The following RPS6KA1 variants were observed in gnomAD, a reference collection of about 807,000 sequenced individuals.
RPS6KA1 encodes the protein ribosomal protein S6 kinase A1.
RPS6KA1 carries 48 observed loss-of-function variants against 91.3 expected under a neutral mutation model. That is an observed-to-expected ratio of 0.53 (90% CI 0.42 to 0.67). The LOEUF (loss-of-function observed/expected upper bound fraction) is 0.67. Ranked by LOEUF, RPS6KA1 falls within the 30% of genes least tolerant of loss-of-function variation. The pLI is 0.00. For missense variants in RPS6KA1, 719 were observed against 960.5 expected (o/e 0.75, Z 3.32); for synonymous variants, 359 against 384.7 (o/e 0.93, Z 0.78).
chr1:26,541,928 G>A (rs1253473558), intron 2 of RPS6KA1, among the ~76,000 whole-genome samples: 2 of 152,206 alleles, frequency 1.3e-5, no homozygotes, highest in Admixed American at 1.3e-4. Flanking sequence ...CCTGTAGGAG[G>A]AAGTAAATAA....
intron 2 of RPS6KA1, among the ~76,000 whole-genome samples, chr1:26,542,936 C>T (rs1040088591): frequency 6.6e-6 from 1 of 152,132 alleles, no homozygotes; most frequent in Non-Finnish European, 1.5e-5. Flanking sequence ...AGTCAGAGGA[C>T]ATAGGGAGAG....
chr1:26,566,896 G>C (rs1444121729), intron 17 of RPS6KA1, among the ~76,000 whole-genome samples: 1 of 152,216 alleles, frequency 6.6e-6, no homozygotes, highest in Non-Finnish European at 1.5e-5. Flanking sequence ...GCTGGTCACA[G>C]GTGCCTAAAT....
chr1:26,573,509 G>A, intron 21 of RPS6KA1, 148 bp downstream of exon 21: 4 of 935,176 alleles, frequency 4.3e-6, no homozygotes, highest in Non-Finnish European at 6.5e-6. Flanking sequence ...CTGCCGTCAG[G>A]GAGCCTAACA....
intron 1 of RPS6KA1, chr1:26,530,833 G>C (rs750556881): frequency 1.2e-5 from 15 of 1,288,262 alleles, no homozygotes; most frequent in Non-Finnish European, 1.4e-5. Flanking sequence ...TTGACCCCAG[G>C]GTCAAGGTCA....
chr1:26,531,325 C>T (rs2075865837), intron 1 of RPS6KA1: 1 of 152,424 alleles, frequency 6.6e-6, no homozygotes, highest in Non-Finnish European at 1.5e-5. Context: ...CCCTCTGCAG[C>T]CCCTGTACTG....
At chr1:26,552,885 T>C (rs7543005) in intron 6 of RPS6KA1, 129,152 of 393,974 alleles carry the variant, frequency 0.33, 24,275 homozygotes, top group East Asian at 0.75. Context: ...CCCCCTCTAT[T>C]CCCATCTATA....
chr1:26,553,533 A>T, intron 7 of RPS6KA1, 36 bp downstream of exon 7: 5 of 1,385,358 alleles, frequency 3.6e-6, no homozygotes, highest in Non-Finnish European at 5.1e-6. Context: ...CAGCCTCCCC[A>T]GGGGAGGCCT....
At chr1:26,573,974 G>T in intron 21 of RPS6KA1, 105 bp from the exon 22 acceptor site, 11 of 1,254,518 alleles carry the variant, frequency 8.8e-6, no homozygotes, top group Non-Finnish European at 1.2e-5. Flanking sequence ...ACCAAAAAAA[G>T]TGGGCTGTGG....
At chr1:26,559,130 A>G (rs541651481) in intron 14 of RPS6KA1, among the ~76,000 whole-genome samples, 193 bp downstream of exon 14, 3 of 152,322 alleles carry the variant, frequency 2.0e-5, no homozygotes, top group African/African-American at 7.2e-5. Flanking sequence ...ATATGGGTGT[A>G]CATTTCCCAG....
At position 26,529,888 on chromosome 1, in the gene RPS6KA1, C is replaced by T. The variant is rs2075855125; in HGVS notation, c.-33C>T. 1 of 1,406,294 alleles carries T rather than the reference C, an allele frequency of 7.1e-7. No individual in the cohort carries two copies. Among genetic ancestry groups the T allele is most frequent in the African/African-American group, 1.5e-5 (1 of 66,356 alleles). 87.1% of individuals were successfully genotyped at this position (1,406,294 alleles called of 1,614,324 possible). On this transcript the variant is annotated 5_prime_UTR_variant, in exon 1 of 22. Coordinates refer to ENST00000374168, the MANE Select transcript of RPS6KA1 (RefSeq NM_002953.4). The surrounding 1 kb of genome is among the most constrained non-coding windows in gnomAD (Gnocchi z 4.2). ...CCGGGAGGCGGCGCAGCCGGGGCCG[C>T]CGGAGGAGCGCGGGTGACCTGGCGG...
chr1:26,543,213 C>T, intron 2 of RPS6KA1: 1 of 1,534,836 alleles, frequency 6.5e-7, no homozygotes, highest in South Asian at 1.2e-5. Flanking sequence ...GGTTCCCTGT[C>T]CCAGAAAGGT....
chr1:26,531,910 C>T (rs1480739093), intron 1 of RPS6KA1, among the ~76,000 whole-genome samples: 2 of 152,164 alleles, frequency 1.3e-5, no homozygotes, highest in Admixed American at 6.5e-5. Flanking sequence ...GCAGCCACGG[C>T]GCAGGTTGGG....
At chr1:26,543,606 G>T (rs1404580201) in intron 2 of RPS6KA1, among the ~76,000 whole-genome samples, 5 of 152,190 alleles carry the variant, frequency 3.3e-5, no homozygotes, top group African/African-American at 1.2e-4. Context: ...CGAGGGCCAG[G>T]ACCTACAGTG....
rs918575820 is a variant in RPS6KA1, at chr1:26,555,919, G to T, written c.916+294G>T. Reference sequence around the variant, plus strand: ...TGCTGGCACAAGAGAAATAGCATGAGCTCAGGAGTCAGAAGGCATAGGTCC... The same window carrying T: ...TGCTGGCACAAGAGAAATAGCATGATCTCAGGAGTCAGAAGGCATAGGTCC... On this transcript the variant is annotated intron_variant, in intron 11 of 21. Transcript: ENST00000374168. This position sits in a 1 kb window ranked among gnomAD's most constrained non-coding sequence, Gnocchi z 4.3. 6.6e-6 allele frequency among the ~76,000 whole-genome samples: 1 copy of T among 152,168 alleles called. No individual in the cohort carries two copies. Among genetic ancestry groups the T allele is most frequent in the African/African-American group, 2.4e-5 (1 of 41,448 alleles).
At chr1:26,530,616 C>A in intron 1 of RPS6KA1, 2 of 462,438 alleles carry the variant, frequency 4.3e-6, no homozygotes, top group South Asian at 2.2e-5. Context: ...TGATTCCTGG[C>A]AGGGCGTGGG....
chr1:26,550,135 T>G (rs1288142287), intron 4 of RPS6KA1, among the ~76,000 whole-genome samples: 1 of 150,024 alleles, frequency 6.7e-6, no homozygotes, highest in Admixed American at 6.7e-5. Context: ...TTCCTCAGCC[T>G]CCCAAAGTGC....
intron 17 of RPS6KA1, among the ~76,000 whole-genome samples, chr1:26,562,428 G>A (rs1171198497): frequency 6.6e-6 from 1 of 152,148 alleles, no homozygotes; most frequent in Non-Finnish European, 1.5e-5. Flanking sequence ...GGTCACCGTG[G>A]GGGAGCTGCA....
chr1:26,561,676 T>G lies in RPS6KA1; in HGVS notation c.1590+13T>G. On this transcript the variant is annotated intron_variant, in intron 17 of 21. Transcript: ENST00000374168. The surrounding 1 kb of genome is among the most constrained non-coding windows in gnomAD (Gnocchi z 5.7). ...GCACTCACAGGGGGTGAGTCTGGAT[T>G]CGGGGAGGCAGTAGGGGGATGCCAA... is the stretch of plus-strand genomic sequence containing the variant. 3 of 1,585,478 alleles carry G rather than the reference T, an allele frequency of 1.9e-6. No individual in the cohort carries two copies. Among genetic ancestry groups the G allele is most frequent in the Non-Finnish European group, 2.6e-6 (3 of 1,163,332 alleles).
intron 2 of RPS6KA1, chr1:26,545,835 G>A (rs899286457): frequency 1.4e-5 from 21 of 1,473,802 alleles, no homozygotes; most frequent in African/African-American, 1.3e-4. Flanking sequence ...CCTTGGTCCC[G>A]GCCACCACTG....
Sources: gnomAD v4.1 joint callset for allele counts (sites outside exome capture counted in the v4.1 genomes callset) on GRCh38, gnomAD v4.1.1 for gene constraint, Gnocchi (gnomAD v3.1) non-coding constraint, MANE v1.5 for transcripts, NCBI Gene and HGNC (gene_info 2026-07-23, HGNC 2026-07-21) for gene names.